AP1G1: variants seen among roughly 807,000 people sequenced by gnomAD.
AP1G1 encodes the protein adaptor related protein complex 1 subunit gamma 1.
In AP1G1, 7 loss-of-function variants were observed where a neutral mutation model predicts 108.3. The observed-to-expected ratio is 0.06, with a 90% CI of 0.04 to 0.12. The LOEUF is 0.12. Ranked by LOEUF, AP1G1 falls within the 10% of genes least tolerant of loss-of-function variation. The pLI is 1.00. For missense variants in AP1G1, 756 were observed against 1,010.7 expected (o/e 0.75, Z 3.42); for synonymous variants, 379 against 353.5 (o/e 1.07, Z -0.81).
intron 2 of AP1G1, among the ~76,000 whole-genome samples, chr16:71,787,793 G>A (rs181386885): frequency 6.6e-6 from 1 of 151,936 alleles, no homozygotes; most frequent in Non-Finnish European, 1.5e-5. Context: ...AGAGCCTCAG[G>A]GTTTCATTCC....
intron 4 of AP1G1, among the ~76,000 whole-genome samples, chr16:71,772,128 C>T (rs913201178): frequency 1.8e-4 from 8 of 44,552 alleles, no homozygotes; most frequent in African/African-American, 6.3e-4. Context: ...ATCTTTTTTT[C>T]TTTTCTTTTC....
At chr16:71,786,647 GA>G (rs1206390910) in intron 2 of AP1G1, among the ~76,000 whole-genome samples, 2 of 152,114 alleles carry the variant, frequency 1.3e-5, no homozygotes, top group Admixed American at 6.5e-5. Context: ...TTTTAGTAGA[GA>G]GGGGGTTCCA....
rs554294524 is a variant in AP1G1 at position 71,744,662 on chromosome 16, G to A, written c.1999+482C>T. The stretch of plus-strand genomic sequence containing the variant: ...GCGATCTCGGCTCACTGCAACCTCC[G>A]TCTCTCAGGTTCAAGCGATTCTCCT... On this transcript the variant is annotated intron_variant, in intron 19 of 22. Transcript: ENST00000299980. Among the ~76,000 whole-genome samples, 26 of 135,188 alleles carry A rather than the reference G, an allele frequency of 1.9e-4. No individual in the cohort carries two copies. In the East Asian group the frequency reaches 4.9e-3, roughly 25 times the overall value. 88.7% of individuals were successfully genotyped at this position (135,188 alleles called of 152,430 possible).
chr16:71,767,777 G>A (rs2031374732), intron 6 of AP1G1: 2 of 1,154,090 alleles, frequency 1.7e-6, no homozygotes, highest in African/African-American at 1.5e-5. Context: ...CACAGCTTCA[G>A]CATTAGTATA....
intron 9 of AP1G1, among the ~76,000 whole-genome samples, chr16:71,763,334 G>A (rs555742922): frequency 9.8e-5 from 15 of 152,306 alleles, no homozygotes; most frequent in Admixed American, 5.9e-4. Flanking sequence ...ACGGAAAGTA[G>A]AATGGTGGTT....
chr16:71,738,898 C>T (rs2045584254), intron 21 of AP1G1, 44 bp downstream of exon 21: 2 of 1,537,194 alleles, frequency 1.3e-6, no homozygotes, highest in Non-Finnish European at 1.8e-6. Flanking sequence ...AAAAGCCAGC[C>T]AATCTTTAAT....
chr16:71,798,636 C>T (rs2032671927), intron 1 of AP1G1, among the ~76,000 whole-genome samples: 1 of 151,724 alleles, frequency 6.6e-6, no homozygotes, highest in Admixed American at 6.6e-5. Flanking sequence ...GCCTGTAATC[C>T]CAGCACTTTG....
intron 2 of AP1G1, among the ~76,000 whole-genome samples, chr16:71,783,551 T>C (rs565425198): frequency 6.6e-6 from 1 of 152,178 alleles, no homozygotes; most frequent in Non-Finnish European, 1.5e-5. Context: ...TTTTTTTTAA[T>C]TTTTTAAAAA....
chr16:71,806,729 C>T, intron 1 of AP1G1: 2 of 1,287,130 alleles, frequency 1.6e-6, no homozygotes, highest in Non-Finnish European at 2.0e-6. Flanking sequence ...TTGACAGTTC[C>T]TTTAAACCAA....
At position 71,738,844 on chromosome 16, in the gene AP1G1, T is replaced by A. The variant is rs2045583001; in HGVS notation, c.2268+98A>T. ...GTTTGAATTAAGTCTACAAATTTAA[T>A]CTGTAAACATTAAAACATATCCTTT... On this transcript the variant is annotated intron_variant, in intron 21 of 22. Coordinates refer to ENST00000299980, the MANE Select transcript of AP1G1 (RefSeq NM_001128.6). 5 of 1,111,996 alleles carry A rather than the reference T, an allele frequency of 4.5e-6. No homozygotes were observed. In the Admixed American group the frequency reaches 1.2e-4, roughly 26 times the overall value. The allele number at this position is 1,111,996 out of a possible 1,614,324, so 68.9% of individuals were successfully genotyped here. A position where few individuals can be genotyped will look rare whatever the true frequency, so the allele number is the denominator to read the frequency against.
intron 3 of AP1G1, chr16:71,774,203 C>T: frequency 2.9e-6 from 1 of 343,280 alleles, no homozygotes; most frequent in Non-Finnish European, 5.3e-6. Flanking sequence ...CATGGTGAAA[C>T]CCCGTCTCTA....
At chr16:71,741,519 G>T (rs1393812316) in intron 19 of AP1G1, among the ~76,000 whole-genome samples, 1 of 152,162 alleles carries the variant, frequency 6.6e-6, no homozygotes, top group Non-Finnish European at 1.5e-5. Context: ...GGAGGCAAAG[G>T]TTGCAGTGAG....
chr16:71,766,484 G>C (rs1005000393), intron 6 of AP1G1: 22 of 457,216 alleles, frequency 4.8e-5, no homozygotes, highest in African/African-American at 3.8e-4. Flanking sequence ...CAAAAGGTTT[G>C]CCACAATAGG....
chr16:71,806,694 T>C (rs1340797566), intron 1 of AP1G1: 1 of 1,287,844 alleles, frequency 7.8e-7, no homozygotes, highest in Non-Finnish European at 1.0e-6. Flanking sequence ...ACTAAATGAG[T>C]GAGCATTACA....
intron 15 of AP1G1, 122 bp downstream of exon 15, chr16:71,749,772 T>A (rs2030388816): frequency 1.6e-5 from 13 of 789,176 alleles, no homozygotes; most frequent in Non-Finnish European, 2.8e-5. Flanking sequence ...ATTATAGGCA[T>A]GAGCCACCAC....
intron 2 of AP1G1, among the ~76,000 whole-genome samples, chr16:71,783,190 A>G (rs1158598444): frequency 6.6e-6 from 1 of 152,198 alleles, no homozygotes; most frequent in South Asian, 2.1e-4. Flanking sequence ...AAGAGTGGCT[A>G]TTATCATCAC....
Position 71,808,770 on chromosome 16 carries a change from A to T in AP1G1, c.-11T>A, listed in dbSNP as rs1338822476. ...GCCGGGAGTGACACTCACCGGCCCG[A>T]AACCTCGAATGAAACCAGCAGCTCC... On this transcript the variant is annotated 5_prime_UTR_variant, in exon 1 of 23. Transcript: ENST00000299980. 1.6e-6 allele frequency: 2 copies of T among 1,289,610 alleles called. No individual in the cohort carries two copies. Among genetic ancestry groups the T allele is most frequent in the Non-Finnish European group, 2.0e-6 (2 of 988,744 alleles). 79.9% of individuals were successfully genotyped at this position (1,289,610 alleles called of 1,614,324 possible). A position where few individuals can be genotyped will look rare whatever the true frequency, so the allele number is the denominator to read the frequency against.
At chr16:71,770,293 C>T (rs2031520601) in intron 5 of AP1G1, among the ~76,000 whole-genome samples, 1 of 152,150 alleles carries the variant, frequency 6.6e-6, no homozygotes, top group African/African-American at 2.4e-5. Context: ...ATTAAATATA[C>T]CATACAATTT....
intron 19 of AP1G1, among the ~76,000 whole-genome samples, chr16:71,739,657 T>G: frequency 6.8e-6 from 1 of 147,636 alleles, no homozygotes; most frequent in African/African-American, 2.5e-5. Flanking sequence ...GAGACTGCAG[T>G]GGGAGGATCA....
Sources: gnomAD v4.1 joint callset for allele counts (sites outside exome capture counted in the v4.1 genomes callset) on GRCh38, gnomAD v4.1.1 for gene constraint, MANE v1.5 for transcripts, NCBI Gene and HGNC (gene_info 2026-07-23, HGNC 2026-07-21) for gene names.